Variants in CLDN10 observed in about 807,000 individuals in gnomAD.
CLDN10 encodes claudin 10.
In CLDN10, 15 loss-of-function variants were observed where a neutral mutation model predicts 22.9. The ratio of observed to expected loss-of-function variants is 0.65; its 90% CI spans 0.44 to 1.01. CLDN10 has a LOEUF of 1.01. CLDN10 is among the 50% of genes least tolerant of loss of function. CLDN10 has a pLI of 0.00. For missense variants in CLDN10, 247 were observed against 287.8 expected, an observed-to-expected ratio of 0.86 and a Z score of 1.03; for synonymous variants, 114 against 111.4, an observed-to-expected ratio of 1.02 and a Z score of -0.15.
At chr13:95,456,321 G>C (rs977470778) in intron 1 of CLDN10, among the ~76,000 whole-genome samples, 3 of 152,090 alleles carry the variant, frequency 2.0e-5, no homozygotes, top group African/African-American at 7.2e-5. Flanking sequence ...TTCCTTGTCT[G>C]TTCCTTGTCT....
At chr13:95,492,589 C>T (rs748382209) in intron 1 of CLDN10, among the ~76,000 whole-genome samples, 5 of 152,124 alleles carry the variant, frequency 3.3e-5, no homozygotes, top group Non-Finnish European at 7.4e-5. Context: ...AAGGCTTTTT[C>T]CCTTCCAGCT....
At chr13:95,484,321 C>T (rs1402459812) in intron 1 of CLDN10, among the ~76,000 whole-genome samples, 1 of 152,154 alleles carries the variant, frequency 6.6e-6, no homozygotes, top group African/African-American at 2.4e-5. Context: ...CCACTGCACA[C>T]CACTCGGCTA....
intron 1 of CLDN10, among the ~76,000 whole-genome samples, chr13:95,481,112 C>A (rs2042742702): frequency 6.6e-6 from 1 of 152,200 alleles, no homozygotes; most frequent in South Asian, 2.1e-4. Context: ...CTAGAATGGA[C>A]CCCAGAGAGG....
intron 1 of CLDN10, among the ~76,000 whole-genome samples, chr13:95,530,667 A>G (rs562522972): frequency 4.6e-5 from 7 of 152,308 alleles, no homozygotes; most frequent in East Asian, 1.9e-4. Context: ...CAAGGAAAAC[A>G]TCTTGTGTTT....
intron 1 of CLDN10, among the ~76,000 whole-genome samples, chr13:95,525,591 A>T (rs969145947): frequency 2.6e-5 from 4 of 152,052 alleles, no homozygotes; most frequent in African/African-American, 9.7e-5. Context: ...CTCCTGGTTC[A>T]AGCTGTTTTC....
intron 1 of CLDN10, among the ~76,000 whole-genome samples, chr13:95,530,308 G>A (rs2043327165): frequency 6.6e-6 from 1 of 152,210 alleles, no homozygotes; most frequent in African/African-American, 2.4e-5. Context: ...GGATGTGAGA[G>A]ATGTTAAAAT....
chr13:95,495,757 AAG>A lies in CLDN10; in HGVS notation c.214+61712_214+61713del, dbSNP rs1253322307. Among the ~76,000 whole-genome samples, 19 of 149,818 alleles carry A rather than the reference AAG, an allele frequency of 1.3e-4. 1 individual carries two copies. Among genetic ancestry groups the A allele is most frequent in the East Asian group, 1.9e-4 (1 of 5,132 alleles). Reference sequence around the variant, plus strand: ...AGACTCCACCTCAAAAAAAAAAAAAAAGAAAAGAAAGAAAGAAAGAAAGAAAT... The same window carrying A: ...AGACTCCACCTCAAAAAAAAAAAAAAAAAAGAAAGAAAGAAAGAAAGAAAT... On this transcript the variant is annotated intron_variant, in intron 1 of 4. Transcript: ENST00000376873.
intron 1 of CLDN10, among the ~76,000 whole-genome samples, chr13:95,547,250 C>A (rs1489342092): frequency 1.3e-5 from 2 of 152,002 alleles, no homozygotes; most frequent in South Asian, 2.1e-4. Context: ...CACTCCCAAC[C>A]ACTTTTGCTC....
intron 3 of CLDN10, among the ~76,000 whole-genome samples, chr13:95,570,687 T>C (rs1218988604): frequency 2.0e-5 from 3 of 151,760 alleles, no homozygotes; most frequent in Non-Finnish European, 4.4e-5. Context: ...CTTGACTGGA[T>C]AACAGAGGCA....
At chr13:95,569,419 A>G (rs951628859) in intron 3 of CLDN10, among the ~76,000 whole-genome samples, 16 of 152,084 alleles carry the variant, frequency 1.1e-4, no homozygotes, top group African/African-American at 3.9e-4. Flanking sequence ...CCCTGACTCT[A>G]TGAAAAATAC....
chr13:95,548,692 G>A (rs549489163), upstream of CLDN10, among the ~76,000 whole-genome samples: 22 of 152,270 alleles, frequency 1.4e-4, no homozygotes, highest in East Asian at 2.1e-3. Context: ...TCTTGGTACC[G>A]GCATTAATGT....
chr13:95,472,328 G>C (rs2042641314), intron 1 of CLDN10, among the ~76,000 whole-genome samples: 1 of 151,880 alleles, frequency 6.6e-6, no homozygotes, highest in Non-Finnish European at 1.5e-5. Context: ...AAAACCAACA[G>C]ACAAAAAATA....
At chr13:95,516,326 G>A (rs1001125968) in intron 1 of CLDN10, among the ~76,000 whole-genome samples, 1 of 152,092 alleles carries the variant, frequency 6.6e-6, no homozygotes, top group African/African-American at 2.4e-5. Context: ...ATAAGAAACA[G>A]CATTGAAGTC....
At chr13:95,524,094 CTTT>C (rs36014421) in intron 1 of CLDN10, among the ~76,000 whole-genome samples, 1 of 137,898 alleles carries the variant, frequency 7.3e-6, no homozygotes, top group Non-Finnish European at 1.5e-5. Context: ...CTTTGACTGG[CTTT>C]TTTTTTTTTT....
intron 1 of CLDN10, among the ~76,000 whole-genome samples, chr13:95,496,004 A>C (rs1368316403): frequency 6.6e-6 from 1 of 152,190 alleles, no homozygotes; most frequent in Admixed American, 6.5e-5. Flanking sequence ...TTCTCACCAA[A>C]TTTATCCCAA....
intron 1 of CLDN10, among the ~76,000 whole-genome samples, chr13:95,532,968 C>T (rs779573412): frequency 2.0e-5 from 3 of 151,422 alleles, no homozygotes; most frequent in Non-Finnish European, 4.4e-5. Context: ...ACAAGAAAAA[C>T]GGGGGGAGTG....
rs150173937 is a variant in CLDN10, at chr13:95,519,402, A to G, written c.215-40730A>G. Among the ~76,000 whole-genome samples the G allele has an allele frequency of 2.6e-5, 4 of 152,370 alleles. No individual in the cohort carries two copies. In the East Asian group the frequency reaches 7.7e-4, roughly 29 times the overall value. On this transcript the variant is annotated intron_variant, in intron 1 of 4. Coordinates refer to the CLDN10 transcript ENST00000376873. ...CATGCTTGCTGCTTTAGGCAGGAACATACAAATCTGAGGTCTGTTCATTTT... is the reference window on the plus strand; with the variant it reads ...CATGCTTGCTGCTTTAGGCAGGAACGTACAAATCTGAGGTCTGTTCATTTT...
intron 1 of CLDN10, among the ~76,000 whole-genome samples, chr13:95,539,849 A>AC (rs949877341): frequency 1.3e-5 from 2 of 152,136 alleles, no homozygotes; most frequent in Non-Finnish European, 2.9e-5. Flanking sequence ...GATAATCTTG[A>AC]CCCTTTAACA....
intron 3 of CLDN10, among the ~76,000 whole-genome samples, chr13:95,564,758 G>A (rs1735784219): frequency 6.6e-6 from 1 of 152,168 alleles, no homozygotes; most frequent in South Asian, 2.1e-4. Context: ...CTTTGTTGAT[G>A]AGGAAAAAAT....
Sources: allele counts gnomAD v4.1 joint callset (sites outside exome capture counted in the v4.1 genomes callset), GRCh38; gene constraint gnomAD v4.1.1; transcripts MANE v1.5; gene names NCBI Gene and HGNC (gene_info 2026-07-23, HGNC 2026-07-21).